The following NDUFAF2 variants were observed in gnomAD, a reference collection of about 807,000 sequenced individuals.
NDUFAF2 encodes the protein NADH:ubiquinone oxidoreductase complex assembly factor 2.
Under a neutral mutation model 22.8 loss-of-function variants are expected in NDUFAF2, and 13 were observed. The observed-to-expected ratio is 0.57, with a 90% CI of 0.37 to 0.91. The LOEUF is 0.91. NDUFAF2 is among the 40% of genes least tolerant of loss of function. The pLI is 0.01. For missense variants in NDUFAF2, 162 were observed against 195.2 expected (o/e 0.83, Z 1.01); for synonymous variants, 53 against 64.2 (o/e 0.83, Z 0.84).
rs1410943429 is a variant in NDUFAF2, at chr5:60,982,127, AAAG to A, written c.127+36749_127+36751del. On this transcript the variant is annotated intron_variant, in intron 1 of 3. Transcript: ENST00000296597. ...GTTGAAAAGCTTGTGTGTGACAACAAAAGAAGGCACACAAACAGCAAAGAAGTA... is the reference window on the plus strand; with the variant it reads ...GTTGAAAAGCTTGTGTGTGACAACAAAAGGCACACAAACAGCAAAGAAGTA... Among the ~76,000 whole-genome samples the A allele has an allele frequency of 5.9e-5, 9 of 152,186 alleles. No homozygotes were observed. In the East Asian group the frequency reaches 1.5e-3, roughly 26 times the overall value.
At chr5:61,040,274 A>ACG (rs1336069548) in intron 1 of NDUFAF2, among the ~76,000 whole-genome samples, 18 of 120,400 alleles carry the variant, frequency 1.5e-4, no homozygotes, top group African/African-American at 7.0e-4. Context: ...ACACACACAC[A>ACG]CACACACACA....
chr5:60,994,310 G>A (rs79421521), intron 1 of NDUFAF2, among the ~76,000 whole-genome samples: 2,379 of 152,344 alleles, frequency 0.016, 76 homozygotes, highest in African/African-American at 0.054. Flanking sequence ...CTGTGGCTTG[G>A]GTGGCTGTAG....
intron 1 of NDUFAF2, among the ~76,000 whole-genome samples, chr5:61,044,255 T>C (rs1751919676): frequency 6.6e-6 from 1 of 152,164 alleles, no homozygotes; most frequent in African/African-American, 2.4e-5. Context: ...ATTAATCTCT[T>C]ATGAGATGTG....
At chr5:61,068,614 T>A (rs1394801625) in intron 1 of NDUFAF2, among the ~76,000 whole-genome samples, 2 of 152,140 alleles carry the variant, frequency 1.3e-5, no homozygotes, top group African/African-American at 4.8e-5. Flanking sequence ...CAGGTCATTT[T>A]TATTTTTTTC....
At chr5:61,107,078 C>CACACACACACAT (rs1249470921) in intron 3 of NDUFAF2, among the ~76,000 whole-genome samples, 6 of 150,448 alleles carry the variant, frequency 4.0e-5, no homozygotes. Context: ...CACACACACA[C>CACACACACACAT]ACACACACAC....
At chr5:61,040,286 A>ACACGCACG (rs1491193758) in intron 1 of NDUFAF2, among the ~76,000 whole-genome samples, 3 of 93,074 alleles carry the variant, frequency 3.2e-5, no homozygotes, top group Non-Finnish European at 4.5e-5. Context: ...ACACACACAC[A>ACACGCACG]CGCGCGCGCG....
chr5:61,088,198 G>A (rs1458704758), intron 2 of NDUFAF2, among the ~76,000 whole-genome samples: 1 of 152,014 alleles, frequency 6.6e-6, no homozygotes. Context: ...TCCCAATATG[G>A]CCACATTTTC....
chr5:61,132,432 A>C (rs1046391730), intron 3 of NDUFAF2, among the ~76,000 whole-genome samples: 1 of 151,828 alleles, frequency 6.6e-6, no homozygotes, highest in Admixed American at 6.6e-5. Flanking sequence ...TCTCACCTCA[A>C]TTTGTTTCTT....
At chr5:60,984,694 G>A (rs1304847044) in intron 1 of NDUFAF2, among the ~76,000 whole-genome samples, 4 of 152,134 alleles carry the variant, frequency 2.6e-5, no homozygotes, top group Admixed American at 6.5e-5. Flanking sequence ...GCTGGATTAC[G>A]TGTATTGTTT....
intron 1 of NDUFAF2, among the ~76,000 whole-genome samples, chr5:60,977,683 A>G (rs949406344): frequency 6.6e-6 from 1 of 152,016 alleles, no homozygotes; most frequent in African/African-American, 2.4e-5. Context: ...CTAAAAATAC[A>G]AAAATTAGCC....
chr5:61,090,785 A>C (rs1024432630), intron 2 of NDUFAF2, among the ~76,000 whole-genome samples: 1 of 152,050 alleles, frequency 6.6e-6, no homozygotes, highest in Non-Finnish European at 1.5e-5. Context: ...TTAATCACCC[A>C]AGTATTCAGC....
chr5:60,989,152 A>G (rs1012995194), intron 1 of NDUFAF2, among the ~76,000 whole-genome samples: 1 of 152,242 alleles, frequency 6.6e-6, no homozygotes, highest in African/African-American at 2.4e-5. Flanking sequence ...CAACAAGCAT[A>G]TGAAAAAATG....
At chr5:61,064,041 G>A (rs1468628921) in intron 1 of NDUFAF2, among the ~76,000 whole-genome samples, 1 of 152,116 alleles carries the variant, frequency 6.6e-6, no homozygotes, top group Non-Finnish European at 1.5e-5. Context: ...GAAAGTAAAA[G>A]AATGGAAGAA....
intron 2 of NDUFAF2, among the ~76,000 whole-genome samples, chr5:61,093,377 A>T (rs931324391): frequency 6.6e-6 from 1 of 152,186 alleles, no homozygotes; most frequent in African/African-American, 2.4e-5. Flanking sequence ...TGCCCATTCC[A>T]TATATCGGCA....
At chr5:61,051,356 T>C (rs1752021775) in intron 1 of NDUFAF2, among the ~76,000 whole-genome samples, 2 of 152,198 alleles carry the variant, frequency 1.3e-5, no homozygotes, top group South Asian at 4.1e-4. Flanking sequence ...CAATCTGTGT[T>C]CCTAACCATC....
intron 1 of NDUFAF2, among the ~76,000 whole-genome samples, chr5:61,064,309 T>C (rs772314782): frequency 4.6e-5 from 7 of 152,098 alleles, no homozygotes; most frequent in Non-Finnish European, 1.0e-4. Flanking sequence ...GAGACTTTAG[T>C]ACCCCCACAT....
In NDUFAF2 at chr5:61,012,084, C is replaced by T. The variant is rs148165867; in HGVS notation, c.128-61041C>T. Among the ~76,000 whole-genome samples the T allele has an allele frequency of 2.2e-4, 33 of 152,052 alleles. 1 individual carries two copies. The South Asian group carries it at 3.5e-3, about 16-fold the overall frequency. On this transcript the variant is annotated intron_variant, in intron 1 of 3. Transcript: ENST00000296597. ...TATTTCTTCCTTATTCTCATTTTAC[C>T]ATTCACACTGTTTTGTTTTGTTTTG...
intron 3 of NDUFAF2, among the ~76,000 whole-genome samples, chr5:61,139,322 T>G (rs1293242619): frequency 6.6e-6 from 1 of 152,178 alleles, no homozygotes; most frequent in Non-Finnish European, 1.5e-5. Flanking sequence ...GAAGGTATTG[T>G]ATGGCATATC....
intron 3 of NDUFAF2, among the ~76,000 whole-genome samples, chr5:61,107,275 AT>A (rs1752779459): frequency 6.6e-6 from 1 of 151,212 alleles, no homozygotes; most frequent in Non-Finnish European, 1.5e-5. Flanking sequence ...GATAGAAGCC[AT>A]TTTAACTGGG....
Sources: allele counts gnomAD v4.1 joint callset (sites outside exome capture counted in the v4.1 genomes callset), GRCh38; gene constraint gnomAD v4.1.1; transcripts MANE v1.5; gene names NCBI Gene and HGNC (gene_info 2026-07-23, HGNC 2026-07-21).